LDLRAD3: variants seen among roughly 807,000 people sequenced by gnomAD.
LDLRAD3 encodes low-density lipoprotein receptor class A domain-containing protein 3.
Under a neutral mutation model 29.4 loss-of-function variants are expected in LDLRAD3, and 20 were observed. The observed-to-expected ratio is 0.68, with a 90% CI of 0.48 to 0.99. The LOEUF is 0.99. Among genes scored for constraint, LDLRAD3 ranks in the 50% least tolerant of loss-of-function variants. LDLRAD3 has a pLI of 0.00. For missense variants in LDLRAD3, 420 were observed against 454.3 expected (o/e 0.92, Z 0.69); for synonymous variants, 157 against 192.7 (o/e 0.81, Z 1.53).
chr11:35,988,686 C>T (rs538124826), intron 1 of LDLRAD3, among the ~76,000 whole-genome samples: 9 of 152,060 alleles, frequency 5.9e-5, no homozygotes, highest in African/African-American at 1.7e-4. Flanking sequence ...TGGGTTCAAG[C>T]GATTCTCCTG....
At chr11:36,159,107 A>T (rs1854397310) in intron 4 of LDLRAD3, among the ~76,000 whole-genome samples, 2 of 152,224 alleles carry the variant, frequency 1.3e-5, no homozygotes, top group South Asian at 4.1e-4. Context: ...ATTTGAATAG[A>T]AATGAGGAAG....
At chr11:36,030,600 C>T (rs1478311933) in intron 1 of LDLRAD3, among the ~76,000 whole-genome samples, 3 of 152,122 alleles carry the variant, frequency 2.0e-5, no homozygotes, top group Non-Finnish European at 2.9e-5. Context: ...AGACAAGATC[C>T]GTTTGAGATC....
intron 4 of LDLRAD3, among the ~76,000 whole-genome samples, chr11:36,201,982 G>C (rs1366634369): frequency 1.3e-5 from 2 of 151,608 alleles, no homozygotes; most frequent in Non-Finnish European, 2.9e-5. Flanking sequence ...TTATGCAAAT[G>C]CCACTTTGTT....
intron 1 of LDLRAD3, chr11:35,997,499 C>T: frequency 2.6e-6 from 1 of 387,636 alleles, no homozygotes; most frequent in Non-Finnish European, 5.0e-6. Flanking sequence ...TGGTCAGTTT[C>T]ACTATAATCC....
intron 4 of LDLRAD3, among the ~76,000 whole-genome samples, chr11:36,153,173 G>A (rs965929526): frequency 2.8e-4 from 43 of 151,928 alleles, no homozygotes; most frequent in African/African-American, 9.9e-4. Flanking sequence ...CAGCATAGTC[G>A]GGGTGCTTGA....
intron 4 of LDLRAD3, among the ~76,000 whole-genome samples, chr11:36,191,041 A>G (rs1231719164): frequency 6.6e-6 from 1 of 152,202 alleles, no homozygotes; most frequent in Non-Finnish European, 1.5e-5. Flanking sequence ...AATACGGTCT[A>G]CCAAAACCAA....
At chr11:36,164,162 C>T (rs1174352600) in intron 4 of LDLRAD3, among the ~76,000 whole-genome samples, 3 of 152,202 alleles carry the variant, frequency 2.0e-5, no homozygotes, top group Non-Finnish European at 2.9e-5. Flanking sequence ...ATCTCAGCCA[C>T]GCTCTGTCCC....
intron 4 of LDLRAD3, among the ~76,000 whole-genome samples, chr11:36,133,466 C>T (rs1300195025): frequency 2.0e-5 from 3 of 151,878 alleles, no homozygotes; most frequent in African/African-American, 7.3e-5. Context: ...TGAAGCAGTC[C>T]TCCTGCCTCA....
chr11:36,032,619 T>C (rs1240730220), intron 1 of LDLRAD3, among the ~76,000 whole-genome samples: 1 of 152,120 alleles, frequency 6.6e-6, no homozygotes, highest in African/African-American at 2.4e-5. Flanking sequence ...TAGCAACATC[T>C]CTGGACTCTG....
At chr11:36,007,445 T>G (rs1851899323) in intron 1 of LDLRAD3, among the ~76,000 whole-genome samples, 1 of 152,194 alleles carries the variant, frequency 6.6e-6, no homozygotes, top group African/African-American at 2.4e-5. Flanking sequence ...GGGACCCATC[T>G]GAGATCACCC....
intron 4 of LDLRAD3, among the ~76,000 whole-genome samples, chr11:36,111,725 G>A (rs193251091): frequency 7.2e-4 from 110 of 151,930 alleles, no homozygotes; most frequent in African/African-American, 2.4e-3. Flanking sequence ...TCACTCTCCC[G>A]AGTAGCGGGG....
intron 1 of LDLRAD3, among the ~76,000 whole-genome samples, chr11:36,024,153 C>T (rs1023866634): frequency 1.3e-5 from 2 of 152,112 alleles, no homozygotes; most frequent in African/African-American, 4.8e-5. Context: ...AAAAGGGACC[C>T]AGCCTTCTCT....
At chr11:35,997,093 C>A in intron 1 of LDLRAD3, 1 of 257,898 alleles carries the variant, frequency 3.9e-6, no homozygotes, top group Non-Finnish European at 7.5e-6. Context: ...ACAAAATGGG[C>A]CATAAAATGA....
chr11:36,070,127 C>T (rs550960929), intron 2 of LDLRAD3, among the ~76,000 whole-genome samples: 2 of 152,306 alleles, frequency 1.3e-5, no homozygotes, highest in East Asian at 1.9e-4. Flanking sequence ...CTGTCAGCTT[C>T]GCTTTTGAAT....
chr11:36,216,091 A>G (rs1855348853), intron 4 of LDLRAD3, among the ~76,000 whole-genome samples: 1 of 152,160 alleles, frequency 6.6e-6, no homozygotes, highest in Admixed American at 6.5e-5. Flanking sequence ...GCCATCAGTG[A>G]TGATGATGCC....
chr11:36,004,472 C>T (rs1444859647), intron 1 of LDLRAD3, among the ~76,000 whole-genome samples: 7 of 152,218 alleles, frequency 4.6e-5, no homozygotes, highest in African/African-American at 1.2e-4. Context: ...TTGGGCATCT[C>T]TGCTTCTGTG....
intron 1 of LDLRAD3, among the ~76,000 whole-genome samples, chr11:35,945,566 A>G (rs1851046466): frequency 6.6e-6 from 1 of 152,208 alleles, no homozygotes. Flanking sequence ...AGCCAGGAGC[A>G]GGTGTGAATT....
intron 4 of LDLRAD3, among the ~76,000 whole-genome samples, chr11:36,170,350 A>T (rs11033477): frequency 0.076 from 10,590 of 139,414 alleles, 594 homozygotes; most frequent in East Asian, 0.34. Context: ...ACGTATATAT[A>T]CATATATATA....
intron 2 of LDLRAD3, among the ~76,000 whole-genome samples, chr11:36,069,760 G>A (rs1162633974): frequency 6.6e-6 from 1 of 151,974 alleles, no homozygotes; most frequent in Non-Finnish European, 1.5e-5. Flanking sequence ...CTTTACACAG[G>A]CGGCTTGGAA....
Sources: allele counts gnomAD v4.1 joint callset (sites outside exome capture counted in the v4.1 genomes callset), GRCh38; gene constraint gnomAD v4.1.1; transcripts MANE v1.5; gene names NCBI Gene and HGNC (gene_info 2026-07-23, HGNC 2026-07-21).